The following MYRIP variants were observed in gnomAD, a reference collection of about 807,000 sequenced individuals.
MYRIP encodes rab effector MyRIP.
In MYRIP, 49 loss-of-function variants were observed where a neutral mutation model predicts 98.0. That is an observed-to-expected ratio of 0.50 (90% CI 0.40 to 0.63). MYRIP has a LOEUF of 0.63. MYRIP is among the 30% of genes least tolerant of loss of function. MYRIP has a pLI of 0.00. For missense variants in MYRIP, 1,004 were observed against 1,058.2 expected, an observed-to-expected ratio of 0.95 and a Z score of 0.71; for synonymous variants, 404 against 409.5, an observed-to-expected ratio of 0.99 and a Z score of 0.16.
chr3:40,017,689 ACTT>A (rs1043238778), intron 2 of MYRIP, among the ~76,000 whole-genome samples: 3 of 145,932 alleles, frequency 2.1e-5, no homozygotes, highest in South Asian at 2.1e-4. Flanking sequence ...GAAATAATTT[ACTT>A]CTTTTTTTTT....
Position 39,876,877 on chromosome 3 carries a change from G to C in MYRIP, c.-30-23910G>C, listed in dbSNP as rs1943012870. 2.0e-5 allele frequency among the ~76,000 whole-genome samples: 3 copies of C among 152,184 alleles called. No homozygotes were observed. The South Asian group carries it at 6.2e-4, about 32-fold the overall frequency. ...GGTGTTCTCTGTATTTCCTGAATCT[G>C]AATGTTGGCCTGCCTTGCTAGATTG... On this transcript the variant is annotated intron_variant, in intron 1 of 16. Coordinates refer to ENST00000302541, the MANE Select transcript of MYRIP (RefSeq NM_015460.4).
chr3:39,977,346 T>C (rs9880500), intron 2 of MYRIP, among the ~76,000 whole-genome samples: 73,787 of 151,892 alleles, frequency 0.49, 19,111 homozygotes, highest in African/African-American at 0.69. Flanking sequence ...GAAAATGGGG[T>C]GGATTCACCT....
intron 10 of MYRIP, among the ~76,000 whole-genome samples, chr3:40,203,991 T>A (rs898817169): frequency 8.4e-3 from 5 of 592 alleles, no homozygotes; most frequent in African/African-American, 0.015. Flanking sequence ...ATAATATATA[T>A]TATATATATT....
chr3:40,221,756 G>A (rs1368466989), intron 11 of MYRIP, among the ~76,000 whole-genome samples: 1 of 152,198 alleles, frequency 6.6e-6, no homozygotes. Context: ...ATCAAAGTGT[G>A]CATACCCTTT....
chr3:39,895,239 T>G (rs1943576607), intron 1 of MYRIP, among the ~76,000 whole-genome samples: 1 of 151,678 alleles, frequency 6.6e-6, no homozygotes, highest in South Asian at 2.1e-4. Context: ...CAGGCTGAAG[T>G]GCAGTGGCGC....
rs1946713970 is a variant in MYRIP at position 40,009,628 on chromosome 3, A to G, written c.111-34422A>G. Among the ~76,000 whole-genome samples, 3 of 152,136 alleles carry G rather than the reference A, an allele frequency of 2.0e-5. No homozygotes were observed. In the South Asian group the frequency reaches 6.2e-4, roughly 31 times the overall value. On this transcript the variant is annotated intron_variant, in intron 2 of 16. Coordinates refer to ENST00000302541, the MANE Select transcript of MYRIP (RefSeq NM_015460.4). ...TCTGAGATGGGCTTCAAGGGCATAC[A>G]TGTCTTCTGGATAAACAGGGCTGCC...
intron 2 of MYRIP, 33 bp downstream of exon 2, chr3:39,900,959 C>A (rs774206502): frequency 3.3e-6 from 5 of 1,525,810 alleles, no homozygotes; most frequent in Non-Finnish European, 4.5e-6. Flanking sequence ...CAGCGTACAG[C>A]AAACCACATG....
chr3:40,158,095 C>A (rs1950285624), intron 4 of MYRIP, among the ~76,000 whole-genome samples: 1 of 151,834 alleles, frequency 6.6e-6, no homozygotes, highest in Non-Finnish European at 1.5e-5. Flanking sequence ...GTTAGGGTGT[C>A]CATTTTGGAT....
intron 2 of MYRIP, among the ~76,000 whole-genome samples, chr3:39,955,454 A>G (rs980439487): frequency 6.6e-6 from 1 of 152,160 alleles, no homozygotes; most frequent in African/African-American, 2.4e-5. Flanking sequence ...GAGAAATAAA[A>G]TCCTTTACAG....
chr3:39,872,730 T>C (rs540126711), intron 1 of MYRIP, among the ~76,000 whole-genome samples: 5 of 152,244 alleles, frequency 3.3e-5, no homozygotes, highest in African/African-American at 1.2e-4. Context: ...CTTAATCCAG[T>C]CTATCATTGT....
chr3:39,829,771 A>C (rs1428586595), intron 1 of MYRIP, among the ~76,000 whole-genome samples: 1 of 152,014 alleles, frequency 6.6e-6, no homozygotes, highest in African/African-American at 2.4e-5. Flanking sequence ...TGAGAAACCT[A>C]AAAAAAATTG....
At chr3:39,814,007 A>G (rs558414969) in intron 1 of MYRIP, among the ~76,000 whole-genome samples, 81 of 152,300 alleles carry the variant, frequency 5.3e-4, no homozygotes, top group African/African-American at 1.9e-3. Flanking sequence ...GATATGCCAC[A>G]GTTTATATAT....
chr3:40,124,418 C>T (rs1236444253), intron 3 of MYRIP, among the ~76,000 whole-genome samples: 1 of 152,200 alleles, frequency 6.6e-6, no homozygotes, highest in Non-Finnish European at 1.5e-5. Context: ...GAAAATTTCA[C>T]ATTTGGTCAG....
intron 2 of MYRIP, among the ~76,000 whole-genome samples, chr3:40,024,266 T>G (rs556811572): frequency 6.6e-6 from 1 of 152,286 alleles, no homozygotes; most frequent in South Asian, 2.1e-4. Flanking sequence ...GTGGCTGATT[T>G]GAGAAGGTGG....
At chr3:40,149,993 G>GA in intron 3 of MYRIP, among the ~76,000 whole-genome samples, 1 of 151,994 alleles carries the variant, frequency 6.6e-6, no homozygotes, top group Non-Finnish European at 1.5e-5. Context: ...TTTATAATAA[G>GA]AAAAATAAGA....
intron 2 of MYRIP, among the ~76,000 whole-genome samples, chr3:39,988,791 G>A (rs1946101079): frequency 6.6e-6 from 1 of 150,854 alleles, no homozygotes; most frequent in African/African-American, 2.4e-5. Flanking sequence ...CCTTTCTTCT[G>A]CTTGGTTGAT....
intron 15 of MYRIP, among the ~76,000 whole-genome samples, chr3:40,251,169 CA>C (rs1444887928): frequency 1.3e-5 from 2 of 152,266 alleles, no homozygotes; most frequent in African/African-American, 4.8e-5. Context: ...AGGGTGATAC[CA>C]AACTAGAAAT....
intron 3 of MYRIP, among the ~76,000 whole-genome samples, chr3:40,087,681 T>C (rs1416228284): frequency 1.3e-5 from 2 of 152,186 alleles, no homozygotes; most frequent in South Asian, 2.1e-4. Context: ...TTGTACATTG[T>C]TAAGCTGCCA....
At chr3:39,985,272 G>A (rs1284635733) in intron 2 of MYRIP, among the ~76,000 whole-genome samples, 125 of 142,296 alleles carry the variant, frequency 8.8e-4, no homozygotes, top group Non-Finnish European at 1.2e-3. Context: ...ACCTCTTCAA[G>A]GAGAACTACA....
Sources: gnomAD v4.1 joint callset for allele counts (sites outside exome capture counted in the v4.1 genomes callset) on GRCh38, gnomAD v4.1.1 for gene constraint, MANE v1.5 for transcripts, NCBI Gene and HGNC (gene_info 2026-07-23, HGNC 2026-07-21) for gene names.